ZNF536: variants seen among roughly 807,000 people sequenced by gnomAD.
The protein encoded by ZNF536 is zinc finger protein 536.
ZNF536 carries 13 observed loss-of-function variants against 84.5 expected under a neutral mutation model. That is an observed-to-expected ratio of 0.15 (90% CI 0.10 to 0.24). The LOEUF (loss-of-function observed/expected upper bound fraction) is 0.24, where lower values mean the gene tolerates loss of function less well. Among genes scored for constraint, ZNF536 ranks in the 10% least tolerant of loss-of-function variants. The pLI, the probability that ZNF536 is intolerant of heterozygous loss-of-function variation, is 1.00. For synonymous variants in ZNF536, 811 were observed against 742.5 expected, an observed-to-expected ratio of 1.09 and a Z score of -1.50; for missense variants, 1,536 against 1,747.5, an observed-to-expected ratio of 0.88 and a Z score of 2.16.
chr19:30,465,481 C>T (rs1335534481), intron 2 of ZNF536, among the ~76,000 whole-genome samples: 1 of 152,252 alleles, frequency 6.6e-6, no homozygotes. Flanking sequence ...GTTGACTTGC[C>T]CCTGGTGTGA....
chr19:30,500,099 A>T (rs1368090947), intron 2 of ZNF536, among the ~76,000 whole-genome samples: 3 of 152,244 alleles, frequency 2.0e-5, no homozygotes, highest in Non-Finnish European at 2.9e-5. Context: ...AGATTATTTT[A>T]AATCGTTCTT....
chr19:30,531,980 C>T (rs1010149454), intron 2 of ZNF536, among the ~76,000 whole-genome samples: 5 of 152,074 alleles, frequency 3.3e-5, no homozygotes, highest in African/African-American at 9.7e-5. Context: ...TTAGTTCCCC[C>T]TTATAAGAGA....
chr19:30,427,331 G>T (rs1226551290), intron 1 of ZNF536, among the ~76,000 whole-genome samples: 1 of 152,232 alleles, frequency 6.6e-6, no homozygotes. Flanking sequence ...GGGGAAGAGT[G>T]ATAGGAAGAG....
At chr19:30,249,455 T>C (rs73021656) in intron 1 of ZNF536, among the ~76,000 whole-genome samples, 1,528 of 152,256 alleles carry the variant, frequency 0.01, 21 homozygotes, top group Non-Finnish European at 0.018. Context: ...ATTGTTTTTT[T>C]ACTGAATCTT....
At chr19:30,274,430 A>C (rs2026016072) in intron 1 of ZNF536, among the ~76,000 whole-genome samples, 1 of 152,238 alleles carries the variant, frequency 6.6e-6, no homozygotes, top group African/African-American at 2.4e-5. Flanking sequence ...ACACATAAAA[A>C]GTATAAAGAA....
intron 1 of ZNF536, among the ~76,000 whole-genome samples, chr19:30,661,266 ACT>A (rs1339602718): frequency 6.6e-6 from 1 of 151,970 alleles, no homozygotes; most frequent in African/African-American, 2.4e-5. Context: ...ACATTGACTG[ACT>A]CTCTTAATTT....
intron 1 of ZNF536, among the ~76,000 whole-genome samples, chr19:30,428,043 A>G (rs1246319253): frequency 6.6e-6 from 1 of 152,160 alleles, no homozygotes; most frequent in African/African-American, 2.4e-5. Flanking sequence ...CCTTTTGTCC[A>G]GGTTTCTAAT....
chr19:30,376,055 G>A (rs2048807533), intron 1 of ZNF536, among the ~76,000 whole-genome samples: 1 of 152,126 alleles, frequency 6.6e-6, no homozygotes, highest in African/African-American at 2.4e-5. Context: ...CTCCATGTGA[G>A]TGTATGCCCA....
At chr19:30,465,190 C>A (rs1418111478) in intron 2 of ZNF536, among the ~76,000 whole-genome samples, 2 of 152,164 alleles carry the variant, frequency 1.3e-5, no homozygotes, top group Non-Finnish European at 2.9e-5. Flanking sequence ...TATTCTCATT[C>A]CCTGAAGCCA....
At chr19:30,634,813 C>G (rs1490911871) in intron 1 of ZNF536, among the ~76,000 whole-genome samples, 1 of 151,996 alleles carries the variant, frequency 6.6e-6, no homozygotes, top group Admixed American at 6.5e-5. Flanking sequence ...TCCAGACCCC[C>G]TTCTGAGCCA....
intron 2 of ZNF536, among the ~76,000 whole-genome samples, chr19:30,319,457 A>T (rs2046788104): frequency 6.6e-6 from 1 of 152,172 alleles, no homozygotes; most frequent in Admixed American, 6.5e-5. Flanking sequence ...CAATGTGAGG[A>T]TGATTGCTAC....
At chr19:30,681,654 A>G (rs1282822862) in intron 1 of ZNF536, among the ~76,000 whole-genome samples, 1 of 151,990 alleles carries the variant, frequency 6.6e-6, no homozygotes, top group Non-Finnish European at 1.5e-5. Flanking sequence ...TTTCTCTCCT[A>G]TTGTCATAAT....
At chr19:30,686,082 T>G (rs2051167595) in intron 1 of ZNF536, among the ~76,000 whole-genome samples, 1 of 152,176 alleles carries the variant, frequency 6.6e-6, no homozygotes, top group Admixed American at 6.5e-5. Context: ...GCACAACTTC[T>G]TTGCCCCTTC....
chr19:30,290,991 A>C (rs536010575), intron 2 of ZNF536, among the ~76,000 whole-genome samples: 5 of 152,298 alleles, frequency 3.3e-5, no homozygotes, highest in African/African-American at 9.6e-5. Flanking sequence ...TTCCAGCTTC[A>C]TCCATGTCCC....
intron 2 of ZNF536, among the ~76,000 whole-genome samples, chr19:30,348,816 T>TTC (rs1264612638): frequency 6.8e-6 from 1 of 147,568 alleles, no homozygotes; most frequent in Non-Finnish European, 1.5e-5. Context: ...TTTCTTTTCT[T>TTC]TTTTTTTTTT....
At chr19:30,669,451 T>C (rs890435362) in intron 1 of ZNF536, among the ~76,000 whole-genome samples, 1 of 152,170 alleles carries the variant, frequency 6.6e-6, no homozygotes, top group African/African-American at 2.4e-5. Flanking sequence ...TCAGCCTCGG[T>C]GTCCAGCCTG....
At chr19:30,667,524 G>A (rs955268395) in intron 1 of ZNF536, among the ~76,000 whole-genome samples, 3 of 151,816 alleles carry the variant, frequency 2.0e-5, no homozygotes, top group African/African-American at 7.3e-5. Flanking sequence ...CTGAAATGCC[G>A]AAGTGTCCCC....
chr19:30,271,676 A>T (rs888312776), intron 1 of ZNF536, among the ~76,000 whole-genome samples: 3 of 152,128 alleles, frequency 2.0e-5, no homozygotes, highest in African/African-American at 7.2e-5. Flanking sequence ...CTGGTCTCTC[A>T]TACATCACAG....
At chr19:30,572,451 C>T (rs2046582620) in intron 1 of ZNF536, among the ~76,000 whole-genome samples, 1 of 152,126 alleles carries the variant, frequency 6.6e-6, no homozygotes, top group Non-Finnish European at 1.5e-5. Context: ...ACACTGTGAC[C>T]CCTCTACCCT....
Sources: gnomAD v4.1 joint callset for allele counts (sites outside exome capture counted in the v4.1 genomes callset) on GRCh38, gnomAD v4.1.1 for gene constraint, MANE v1.5 for transcripts, NCBI Gene and HGNC (gene_info 2026-07-23, HGNC 2026-07-21) for gene names.